Variants in PRICKLE1 observed in about 807,000 individuals in gnomAD.
PRICKLE1 encodes prickle planar cell polarity protein 1, also known as prickle-like protein 1.
In PRICKLE1, 14 loss-of-function variants were observed where a neutral mutation model predicts 70.2. That is an observed-to-expected ratio of 0.20 (90% confidence interval 0.13 to 0.31). PRICKLE1 has a LOEUF of 0.31. Among genes scored for constraint, PRICKLE1 ranks in the 10% least tolerant of loss-of-function variants. PRICKLE1 has a pLI of 1.00. For missense variants in PRICKLE1, 821 were observed against 1,026.2 expected (o/e 0.80, Z 2.73); for synonymous variants, 357 against 379.9 (o/e 0.94, Z 0.70).
intron 1 of PRICKLE1, among the ~76,000 whole-genome samples, chr12:42,521,110 G>A (rs1269799473): frequency 1.3e-5 from 2 of 152,250 alleles, no homozygotes; most frequent in East Asian, 3.9e-4. Flanking sequence ...GGCGGAGGTT[G>A]CAGTGAGCCA....
intron 5 of PRICKLE1, among the ~76,000 whole-genome samples, chr12:42,467,268 C>T (rs2140108991): frequency 6.6e-6 from 1 of 152,154 alleles, no homozygotes; most frequent in East Asian, 1.9e-4. Context: ...AGGTGCATGC[C>T]ACCATGCCCA....
At chr12:42,497,720 A>T (rs1294494002) in intron 1 of PRICKLE1, among the ~76,000 whole-genome samples, 3 of 152,226 alleles carry the variant, frequency 2.0e-5, no homozygotes, top group Non-Finnish European at 1.5e-5. Context: ...AAAATGTGAC[A>T]CAGAGACACG....
chr12:42,583,903 T>C (rs751811836), intron 1 of PRICKLE1, among the ~76,000 whole-genome samples: 2 of 152,172 alleles, frequency 1.3e-5, no homozygotes, highest in Non-Finnish European at 2.9e-5. Context: ...TGGGCCAAAA[T>C]TGTCCTGGAA....
At position 42,460,542 on chromosome 12, in the gene PRICKLE1, A is replaced by G. The variant is rs1593100853; in HGVS notation, c.1763T>C (p.Leu588Pro). Residue 588 changes from leucine to proline, a missense_variant, in exon 8 of 8, where the codon CTG becomes CCG. Leu to Pro is a moderately conservative substitution (Grantham distance 98, BLOSUM62 -3). Transcript: ENST00000345127. ...CTTTAAGGACTCTGCACTCCTGTGC[A>G]GCATGGAAGAGTTCAAAGTTCCCAT... ...SNMGTLNSSM[L>P]HRSAESLKSL... 1 of 1,614,186 alleles carries G rather than the reference A, an allele frequency of 6.2e-7. No homozygotes were observed. Among genetic ancestry groups the G allele is most frequent in the African/African-American group, 1.3e-5 (1 of 75,054 alleles).
chr12:42,476,660 T>A lies in PRICKLE1; in HGVS notation c.-48-4096A>T, dbSNP rs190215355. 2.6e-3 allele frequency among the ~76,000 whole-genome samples: 390 copies of A among 150,900 alleles called. 2 individuals are homozygous for A. Among genetic ancestry groups the A allele is most frequent in the Non-Finnish European group, 3.5e-3 (234 of 67,744 alleles). ...GATAACACGAAAACTTCAATTTAGATTTTTCTTTTTCCTATTTATCTGTCA... is the reference window on the plus strand; with the variant it reads ...GATAACACGAAAACTTCAATTTAGAATTTTCTTTTTCCTATTTATCTGTCA... On this transcript the variant is annotated intron_variant, in intron 1 of 7. Transcript: ENST00000345127.
At chr12:42,531,013 G>A (rs1259224351) in intron 1 of PRICKLE1, among the ~76,000 whole-genome samples, 1 of 146,426 alleles carries the variant, frequency 6.8e-6, no homozygotes, top group Non-Finnish European at 1.5e-5. Context: ...TGTTCATGTG[G>A]TATTGCCCTA....
At position 42,466,656 on chromosome 12, in the gene PRICKLE1, G is replaced by A. The variant is rs542972769; in HGVS notation, c.589-276C>T. Among the ~76,000 whole-genome samples, 81 of 151,868 alleles carry A rather than the reference G, an allele frequency of 5.3e-4. 1 individual carries two copies. Among genetic ancestry groups the A allele is most frequent in the African/African-American group, 1.8e-3 (76 of 41,204 alleles). ...ATTCTACACCGGAGGTAATTCATTT[G>A]GTCATATTTTTGCTCCCCAATAACA... On this transcript the variant is annotated intron_variant, in intron 5 of 7. Coordinates refer to ENST00000345127, the MANE Select transcript of PRICKLE1 (RefSeq NM_153026.3).
In PRICKLE1 at chr12:42,560,103, A is replaced by AATAATT. The variant is rs573420910; in HGVS notation, c.-49+29361_-49+29362insAATTAT. On this transcript the variant is annotated intron_variant, in intron 1 of 7. Coordinates refer to ENST00000345127, the MANE Select transcript of PRICKLE1 (RefSeq NM_153026.3). The stretch of plus-strand genomic sequence containing the variant: ...CACAGATAATTGGGAAATCTCCTTT[A>AATAATT]ATTATTATTATTATTATTATTATTA... Among the ~76,000 whole-genome samples the AATAATT allele has an allele frequency of 1.4e-3, 195 of 139,894 alleles. 1 individual carries two copies. Among genetic ancestry groups the AATAATT allele is most frequent in the Middle Eastern group, 3.7e-3 (1 of 268 alleles). 91.8% of individuals were successfully genotyped at this position (139,894 alleles called of 152,430 possible).
intron 1 of PRICKLE1, among the ~76,000 whole-genome samples, chr12:42,517,931 G>A (rs1240166051): frequency 6.6e-6 from 1 of 151,540 alleles, no homozygotes; most frequent in Non-Finnish European, 1.5e-5. Flanking sequence ...GAGTTTGAAG[G>A]GGGAATTAAA....
intron 1 of PRICKLE1, among the ~76,000 whole-genome samples, chr12:42,588,751 A>G (rs1480750232): frequency 6.6e-6 from 1 of 152,164 alleles, no homozygotes; most frequent in Non-Finnish European, 1.5e-5. Flanking sequence ...CAAAGTCCCA[A>G]GAATAACACA....
At chr12:42,543,709 G>A (rs573650382) in intron 1 of PRICKLE1, among the ~76,000 whole-genome samples, 4 of 152,058 alleles carry the variant, frequency 2.6e-5, no homozygotes, top group Non-Finnish European at 5.9e-5. Flanking sequence ...TTTTAGTAGA[G>A]GTGGGGTTTC....
intron 1 of PRICKLE1, among the ~76,000 whole-genome samples, chr12:42,498,859 T>C (rs1222785701): frequency 6.6e-6 from 1 of 152,152 alleles, no homozygotes; most frequent in African/African-American, 2.4e-5. Flanking sequence ...ACCTAACTCT[T>C]ACTTCAAGAC....
chr12:42,480,601 C>T (rs1626507), intron 1 of PRICKLE1, among the ~76,000 whole-genome samples: 27,175 of 152,158 alleles, frequency 0.18, 3,080 homozygotes, highest in African/African-American at 0.31. Context: ...TCATTTTCTA[C>T]TGGTCTGTAT....
Position 42,530,680 on chromosome 12 carries a change from ATTTTTTT to A in PRICKLE1, c.-48-58123_-48-58117del, listed in dbSNP as rs34675637. 7.4e-3 allele frequency among the ~76,000 whole-genome samples: 721 copies of A among 97,132 alleles called. 33 individuals carry two copies. In the East Asian group the frequency reaches 0.15, roughly 21 times the overall value. The allele number at this position is 97,132 out of a possible 152,430, so 63.7% of individuals were successfully genotyped here. A position where few individuals can be genotyped will look rare whatever the true frequency, so the allele number is the denominator to read the frequency against. On this transcript the variant is annotated intron_variant, in intron 1 of 7. Coordinates refer to ENST00000345127, the MANE Select transcript of PRICKLE1 (RefSeq NM_153026.3). ...AAAAGTCAGTGTATTTTATCAAATA[ATTTTTTT>A]TTTTTTTTTTTTTTTTGAGCAGAGT...
At chr12:42,518,666 C>T (rs1593151316) in intron 1 of PRICKLE1, among the ~76,000 whole-genome samples, 1 of 152,154 alleles carries the variant, frequency 6.6e-6, no homozygotes, top group South Asian at 2.1e-4. Flanking sequence ...AATTTATCTA[C>T]ATAGAAGTTG....
chr12:42,494,937 A>G (rs867601295), intron 1 of PRICKLE1, among the ~76,000 whole-genome samples: 11 of 145,306 alleles, frequency 7.6e-5, no homozygotes, highest in South Asian at 4.3e-4. Flanking sequence ...TGCTCTCACC[A>G]TGGCTAGAGT....
chr12:42,550,394 A>C (rs1275093451), intron 1 of PRICKLE1: 1 of 152,216 alleles, frequency 6.6e-6, no homozygotes, highest in Non-Finnish European at 1.5e-5. Context: ...GGAAAAGAAG[A>C]AGCAATATCA....
At chr12:42,572,308 C>T (rs1475063785) in intron 1 of PRICKLE1, among the ~76,000 whole-genome samples, 1 of 151,774 alleles carries the variant, frequency 6.6e-6, no homozygotes, top group African/African-American at 2.4e-5. Context: ...TGGGGGCGGG[C>T]ACCTGTAATC....
chr12:42,482,152 C>T (rs1370773443), intron 1 of PRICKLE1, among the ~76,000 whole-genome samples: 3 of 152,218 alleles, frequency 2.0e-5, no homozygotes, highest in Non-Finnish European at 4.4e-5. Flanking sequence ...TCACACATCA[C>T]CCAATGGTCA....
Sources: gnomAD v4.1 joint callset for allele counts (sites outside exome capture counted in the v4.1 genomes callset) on GRCh38, gnomAD v4.1.1 for gene constraint, MANE v1.5 for transcripts, NCBI Gene and HGNC (gene_info 2026-07-23, HGNC 2026-07-21) for gene names.